Variants in ASTN2 observed in about 807,000 individuals in gnomAD.
The protein encoded by ASTN2 is astrotactin-2.
In ASTN2, 54 loss-of-function variants were observed where a neutral mutation model predicts 139.8. The ratio of observed to expected loss-of-function variants is 0.39; its 90% confidence interval spans 0.31 to 0.48. The LOEUF is 0.48. ASTN2 is among the 20% of genes least tolerant of loss of function. The pLI is 0.95. For synonymous variants in ASTN2, 756 were observed against 719.5 expected (o/e 1.05, Z -0.81); for missense variants, 1,565 against 1,725.1 (o/e 0.91, Z 1.64).
intron 19 of ASTN2, among the ~76,000 whole-genome samples, chr9:116,581,578 G>T (rs1853955038): frequency 6.6e-6 from 1 of 152,078 alleles, no homozygotes; most frequent in South Asian, 2.1e-4. Context: ...CCTTAGTTCT[G>T]GTCCTCATAT....
chr9:116,874,004 G>T (rs1020902727), intron 10 of ASTN2, among the ~76,000 whole-genome samples: 1 of 152,138 alleles, frequency 6.6e-6, no homozygotes, highest in Non-Finnish European at 1.5e-5. Context: ...GTTCTTTATA[G>T]CAATGCAGAA....
intron 19 of ASTN2, among the ~76,000 whole-genome samples, chr9:116,589,941 T>A (rs940517285): frequency 6.6e-6 from 1 of 152,218 alleles, no homozygotes; most frequent in Admixed American, 6.5e-5. Flanking sequence ...CCTAGATTTA[T>A]AATCAAATTT....
At chr9:116,566,844 G>A (rs1853257501) in intron 19 of ASTN2, among the ~76,000 whole-genome samples, 1 of 152,194 alleles carries the variant, frequency 6.6e-6, no homozygotes, top group Non-Finnish European at 1.5e-5. Flanking sequence ...AGCCTGGGAT[G>A]CTTCTGCACA....
At chr9:117,034,088 G>A (rs957382978) in intron 6 of ASTN2, among the ~76,000 whole-genome samples, 1 of 152,014 alleles carries the variant, frequency 6.6e-6, no homozygotes, top group Non-Finnish European at 1.5e-5. Context: ...ACAAGTCTTG[G>A]AACAAAACAG....
At chr9:117,373,875 CAT>C (rs1202209456) in intron 1 of ASTN2, among the ~76,000 whole-genome samples, 1 of 152,186 alleles carries the variant, frequency 6.6e-6, no homozygotes, top group Non-Finnish European at 1.5e-5. Flanking sequence ...TTGGACAGCA[CAT>C]ATCCTAACAT....
At chr9:116,494,196 T>C (rs1395070959) in intron 19 of ASTN2, among the ~76,000 whole-genome samples, 1 of 152,170 alleles carries the variant, frequency 6.6e-6, no homozygotes, top group African/African-American at 2.4e-5. Flanking sequence ...GGGGAGCAGA[T>C]GACACCTAGT....
chr9:117,100,461 G>A (rs1226507517), intron 4 of ASTN2, among the ~76,000 whole-genome samples: 2 of 152,182 alleles, frequency 1.3e-5, no homozygotes. Flanking sequence ...ATTTCACTCA[G>A]TATATTAAAA....
At chr9:117,224,929 T>C (rs1832652677) in intron 2 of ASTN2, among the ~76,000 whole-genome samples, 1 of 152,166 alleles carries the variant, frequency 6.6e-6, no homozygotes, top group African/African-American at 2.4e-5. Context: ...GCATCATAGT[T>C]TGACCCCCTC....
intron 6 of ASTN2, among the ~76,000 whole-genome samples, chr9:117,036,079 T>C (rs1166150695): frequency 1.3e-5 from 2 of 152,186 alleles, no homozygotes. Context: ...TAACGTTCAA[T>C]CATCCCATAA....
intron 6 of ASTN2, among the ~76,000 whole-genome samples, chr9:117,026,131 T>C (rs1428064154): frequency 1.3e-5 from 2 of 151,948 alleles, no homozygotes; most frequent in Non-Finnish European, 2.9e-5. Flanking sequence ...AATCTAAATA[T>C]GTAGCCAAGA....
chr9:116,816,380 C>T (rs147941269), intron 12 of ASTN2, among the ~76,000 whole-genome samples: 429 of 152,302 alleles, frequency 2.8e-3, no homozygotes, highest in Non-Finnish European at 4.4e-3. Context: ...AATTCACCTG[C>T]TTCTGTCTAC....
Position 116,963,937 on chromosome 9 carries a change from C to T in ASTN2, c.1889+11271G>A, listed in dbSNP as rs577100872. On this transcript the variant is annotated intron_variant, in intron 10 of 22. Transcript: ENST00000313400. ...CTAAAGGCCTCAGCTCCATGGAATT[C>T]CCTCTCCATGTTTTTGTAACTTCAC... is the stretch of plus-strand genomic sequence containing the variant. Among the ~76,000 whole-genome samples, 6 of 152,136 alleles carry T rather than the reference C, an allele frequency of 3.9e-5. No homozygotes were observed. The South Asian group carries it at 6.2e-4, about 16-fold the overall frequency.
intron 1 of ASTN2, among the ~76,000 whole-genome samples, chr9:117,326,219 G>T (rs1327308885): frequency 6.6e-6 from 1 of 151,892 alleles, no homozygotes; most frequent in African/African-American, 2.4e-5. Flanking sequence ...ATATCTGCAT[G>T]CCAGATGTGG....
chr9:116,863,537 T>G (rs1195125953), intron 11 of ASTN2, 46 bp downstream of exon 11: 2 of 1,601,118 alleles, frequency 1.2e-6, no homozygotes, highest in East Asian at 2.2e-5. Flanking sequence ...GCAGGTGGCC[T>G]TAGCCCCTGG....
chr9:116,665,966 C>G (rs1296379002), intron 16 of ASTN2, among the ~76,000 whole-genome samples: 1 of 152,090 alleles, frequency 6.6e-6, no homozygotes, highest in African/African-American at 2.4e-5. Flanking sequence ...GAAGTATCAG[C>G]CATGCTTTGA....
chr9:116,719,224 T>C (rs1408807794), intron 16 of ASTN2, among the ~76,000 whole-genome samples: 1 of 151,696 alleles, frequency 6.6e-6, no homozygotes, highest in African/African-American at 2.4e-5. Context: ...TTAAGAGTTA[T>C]TTGAGAATTA....
intron 4 of ASTN2, among the ~76,000 whole-genome samples, chr9:117,132,899 A>G (rs1564442324): frequency 6.6e-6 from 1 of 152,214 alleles, no homozygotes; most frequent in Non-Finnish European, 1.5e-5. Context: ...AAGGATTTCC[A>G]TAAGCATCCT....
intron 13 of ASTN2, among the ~76,000 whole-genome samples, chr9:116,781,459 T>TG (rs1830216717): frequency 6.6e-6 from 1 of 152,074 alleles, no homozygotes; most frequent in African/African-American, 2.4e-5. Context: ...AACTCAGACC[T>TG]GGGGGGCAAA....
At chr9:116,704,839 C>G (rs934465560) in intron 16 of ASTN2, among the ~76,000 whole-genome samples, 2 of 152,070 alleles carry the variant, frequency 1.3e-5, no homozygotes, top group Admixed American at 1.3e-4. Flanking sequence ...CATCTTGACT[C>G]TTTTGAGGGG....
Sources: gnomAD v4.1 joint callset for allele counts (sites outside exome capture counted in the v4.1 genomes callset) on GRCh38, gnomAD v4.1.1 for gene constraint, MANE v1.5 for transcripts, NCBI Gene and HGNC (gene_info 2026-07-23, HGNC 2026-07-21) for gene names.